The following NRG3 variants were observed in gnomAD, a reference collection of about 807,000 sequenced individuals.
The protein encoded by NRG3 is pro-neuregulin-3, membrane-bound isoform.
A neutral mutation model predicts 66.9 loss-of-function variants in NRG3; 31 were observed. That is an observed-to-expected ratio of 0.46 (90% CI 0.35 to 0.63). The LOEUF is 0.63. Among genes scored for constraint, NRG3 ranks in the 20% least tolerant of loss-of-function variants. NRG3 has a pLI of 0.00. For missense variants in NRG3, 910 were observed against 878.9 expected, an observed-to-expected ratio of 1.04 and a Z score of -0.45; for synonymous variants, 393 against 359.4, an observed-to-expected ratio of 1.09 and a Z score of -1.06.
chr10:82,716,370 A>G (rs1254601182), intron 2 of NRG3, among the ~76,000 whole-genome samples: 1 of 152,056 alleles, frequency 6.6e-6, no homozygotes, highest in African/African-American at 2.4e-5. Flanking sequence ...CCCAATCCCC[A>G]CCCACTCACA....
At chr10:82,979,384 A>G (rs1387003022) in intron 8 of NRG3, among the ~76,000 whole-genome samples, 4 of 152,188 alleles carry the variant, frequency 2.6e-5, no homozygotes, top group Non-Finnish European at 1.5e-5. Context: ...ATGTTATTAG[A>G]TCATTTGCTA....
intron 2 of NRG3, among the ~76,000 whole-genome samples, chr10:82,526,266 A>C (rs997252013): frequency 2.0e-5 from 3 of 151,862 alleles, no homozygotes; most frequent in Non-Finnish European, 2.9e-5. Flanking sequence ...AAATATACAC[A>C]ATAAAATTTA....
At chr10:82,338,336 C>G (rs2135360548) in intron 1 of NRG3, among the ~76,000 whole-genome samples, 1 of 152,226 alleles carries the variant, frequency 6.6e-6, no homozygotes, top group South Asian at 2.1e-4. Context: ...TTTTAAAATG[C>G]TATAACCACA....
At chr10:82,477,949 G>C (rs1841932311) in intron 2 of NRG3, among the ~76,000 whole-genome samples, 1 of 152,124 alleles carries the variant, frequency 6.6e-6, no homozygotes, top group African/African-American at 2.4e-5. Context: ...ATGTAAGCAG[G>C]GATAAGGAAA....
chr10:82,587,964 T>C (rs1237306027), intron 2 of NRG3, among the ~76,000 whole-genome samples: 1 of 152,226 alleles, frequency 6.6e-6, no homozygotes, highest in African/African-American at 2.4e-5. Context: ...TACATAATTT[T>C]ACAAGTCATA....
At chr10:82,830,826 G>A (rs1172466038) in intron 3 of NRG3, among the ~76,000 whole-genome samples, 4 of 152,126 alleles carry the variant, frequency 2.6e-5, no homozygotes, top group Admixed American at 1.3e-4. Context: ...AAGCCATGGT[G>A]TACTTCAAAT....
intron 2 of NRG3, among the ~76,000 whole-genome samples, chr10:82,583,825 C>T (rs2046507847): frequency 6.6e-6 from 1 of 152,128 alleles, no homozygotes; most frequent in African/African-American, 2.4e-5. Context: ...AATCACATAG[C>T]TGGTCTGGTA....
At chr10:82,149,275 A>G (rs1028846806) in intron 1 of NRG3, among the ~76,000 whole-genome samples, 25 of 152,252 alleles carry the variant, frequency 1.6e-4, no homozygotes, top group African/African-American at 5.8e-4. Context: ...TTATAAAAAT[A>G]ACACTTAATA....
At chr10:82,251,452 A>G (rs1228673169) in intron 1 of NRG3, among the ~76,000 whole-genome samples, 1 of 152,034 alleles carries the variant, frequency 6.6e-6, no homozygotes, top group Non-Finnish European at 1.5e-5. Context: ...CTCTGACTCC[A>G]CATGGGAGTG....
chr10:82,362,331 ATATGTGTG>A (rs1332234563), intron 2 of NRG3, among the ~76,000 whole-genome samples: 1 of 123,774 alleles, frequency 8.1e-6, no homozygotes, highest in African/African-American at 3.8e-5. Context: ...GTGTATATAT[ATATGTGTG>A]TGTGTGTGTG....
At chr10:82,699,288 G>GGAGA (rs1252132550) in intron 2 of NRG3, among the ~76,000 whole-genome samples, 14 of 151,522 alleles carry the variant, frequency 9.2e-5, no homozygotes, top group African/African-American at 3.4e-4. Flanking sequence ...AGCAAGGGAG[G>GGAGA]CAGGGAGGGA....
At chr10:82,960,788 C>A (rs994537529) in intron 6 of NRG3, among the ~76,000 whole-genome samples, 2 of 152,244 alleles carry the variant, frequency 1.3e-5, no homozygotes, top group African/African-American at 4.8e-5. Context: ...AAAGCTCCCC[C>A]ACTGAGCACC....
intron 2 of NRG3, among the ~76,000 whole-genome samples, chr10:82,532,487 CTATA>C (rs1183834113): frequency 2.0e-5 from 3 of 146,912 alleles, no homozygotes; most frequent in Non-Finnish European, 4.5e-5. Flanking sequence ...ATAGTACTCT[CTATA>C]TATAGTACTA....
At chr10:81,941,763 G>A (rs1848421974) in intron 1 of NRG3, among the ~76,000 whole-genome samples, 2 of 152,102 alleles carry the variant, frequency 1.3e-5, no homozygotes, top group African/African-American at 2.4e-5. Context: ...AATAACCCAT[G>A]ATATCTTCTT....
chr10:82,005,277 T>C (rs559309705), intron 1 of NRG3, among the ~76,000 whole-genome samples: 1 of 152,242 alleles, frequency 6.6e-6, no homozygotes, highest in Non-Finnish European at 1.5e-5. Context: ...TACATTTCTC[T>C]GCAAATATAG....
chr10:82,082,399 C>T (rs1228249942), intron 1 of NRG3, among the ~76,000 whole-genome samples: 1 of 152,084 alleles, frequency 6.6e-6, no homozygotes, highest in Non-Finnish European at 1.5e-5. Flanking sequence ...TTAAAGTCCA[C>T]TGAGGTGTAG....
At chr10:81,889,444 T>A (rs1842856350) in intron 1 of NRG3, 1 of 152,170 alleles carries the variant, frequency 6.6e-6, no homozygotes, top group Non-Finnish European at 1.5e-5. Context: ...GAGAACTGCA[T>A]CCGTTCATTT....
chr10:82,004,034 CA>C (rs1406581741), intron 1 of NRG3, among the ~76,000 whole-genome samples: 5 of 146,542 alleles, frequency 3.4e-5, no homozygotes, highest in African/African-American at 1.0e-4. Flanking sequence ...CACACACACA[CA>C]GATACCTTAG....
chr10:82,483,069 C>G (rs1842413501), intron 2 of NRG3, among the ~76,000 whole-genome samples: 2 of 151,942 alleles, frequency 1.3e-5, no homozygotes, highest in Non-Finnish European at 2.9e-5. Context: ...AGTTTCTGTC[C>G]AGGAAAGGCA....
Sources: allele counts gnomAD v4.1 joint callset (sites outside exome capture counted in the v4.1 genomes callset), GRCh38; gene constraint gnomAD v4.1.1; transcripts MANE v1.5; gene names NCBI Gene and HGNC (gene_info 2026-07-23, HGNC 2026-07-21).